SELP: variants seen among roughly 807,000 people sequenced by gnomAD.
SELP encodes the protein selectin P.
A neutral mutation model predicts 104.1 loss-of-function variants in SELP; 92 were observed. The ratio of observed to expected loss-of-function variants is 0.88; its 90% CI spans 0.75 to 1.05. The LOEUF (loss-of-function observed/expected upper bound fraction) is 1.05, where lower values mean the gene tolerates loss of function less well. Among genes scored for constraint, SELP ranks in the 50% least tolerant of loss-of-function variants. The pLI, the probability that SELP is intolerant of heterozygous loss-of-function variation, is 0.00. For missense variants in SELP, 1,022 were observed against 1,017.3 expected, an observed-to-expected ratio of 1.00 and a Z score of -0.06; for synonymous variants, 397 against 364.5, an observed-to-expected ratio of 1.09 and a Z score of -1.01.
rs3917809 is a variant in SELP, at chr1:169,596,356, A to C, written c.1892-222T>G. ...CCTTGAGGAGATGATTCTCCTGGCC[A>C]AGAGAAGAAATCAGAGGAGTCATTG... On this transcript the variant is annotated intron_variant, in intron 11 of 16. Coordinates refer to ENST00000263686, the MANE Select transcript of SELP (RefSeq NM_003005.4). 5.9e-3 allele frequency among the ~76,000 whole-genome samples: 906 copies of C among 152,322 alleles called. 10 individuals carry two copies. The highest frequency in any genetic ancestry group is 0.021 in the African/African-American group (877 of 41,576).
chr1:169,612,527 G>A, intron 5 of SELP, 125 bp from the exon 6 acceptor site: 1 of 804,522 alleles, frequency 1.2e-6, no homozygotes. Flanking sequence ...GCACTAGAAT[G>A]GTTAAATGGT....
chr1:169,608,201 T>C (rs985277863), intron 8 of SELP, among the ~76,000 whole-genome samples: 3 of 151,632 alleles, frequency 2.0e-5, no homozygotes, highest in Non-Finnish European at 4.4e-5. Flanking sequence ...ATACGTAGCA[T>C]GAAATTTAAT....
chr1:169,602,173 A>T (rs1360652945), intron 10 of SELP, among the ~76,000 whole-genome samples: 1 of 152,184 alleles, frequency 6.6e-6, no homozygotes, highest in Non-Finnish European at 1.5e-5. Flanking sequence ...GATATTTGTC[A>T]CACACACCCA....
intron 1 of SELP, among the ~76,000 whole-genome samples, chr1:169,620,885 GTA>G: frequency 6.8e-6 from 1 of 147,956 alleles, no homozygotes; most frequent in African/African-American, 2.5e-5. Flanking sequence ...GTGGAGTTGT[GTA>G]TGTATGCGTG....
chr1:169,597,929 TCTC>T (rs1355845270), intron 10 of SELP, among the ~76,000 whole-genome samples: 3 of 152,276 alleles, frequency 2.0e-5, no homozygotes, highest in South Asian at 2.1e-4. Flanking sequence ...CCTGAACTCT[TCTC>T]CTCTGAATTC....
chr1:169,595,680 G>A (rs3917818), intron 12 of SELP, among the ~76,000 whole-genome samples: 10,222 of 152,244 alleles, frequency 0.067, 449 homozygotes, highest in Middle Eastern at 0.12. Flanking sequence ...TTGGACATCT[G>A]CAAATGTTTC....
At position 169,594,555 on chromosome 1, in the gene SELP, C is replaced by T. The variant is rs1422119828; in HGVS notation, c.2287+137G>A. On this transcript the variant is annotated intron_variant, in intron 13 of 16. Coordinates refer to ENST00000263686, the MANE Select transcript of SELP (RefSeq NM_003005.4). ...TAAGGCAAGGAGATTCTGCCTGATT[C>T]ATTGTGAAACACTTATTAAGCAGGG... 1.3e-5 allele frequency: 10 copies of T among 763,886 alleles called. No homozygotes were observed. In the East Asian group the frequency reaches 1.9e-4, roughly 14 times the overall value. 47.3% of individuals were successfully genotyped at this position (763,886 alleles called of 1,614,324 possible). A position where few individuals can be genotyped will look rare whatever the true frequency, so the allele number is the denominator to read the frequency against.
chr1:169,614,138 C>T (rs1456999414), intron 3 of SELP, among the ~76,000 whole-genome samples: 1 of 152,338 alleles, frequency 6.6e-6, no homozygotes, highest in East Asian at 1.9e-4. Context: ...GGCTCTGCTG[C>T]CTACTTGCTA....
At chr1:169,593,422 G>A (rs1275679967) in intron 14 of SELP, among the ~76,000 whole-genome samples, 183 bp downstream of exon 14, 2 of 152,114 alleles carry the variant, frequency 1.3e-5, no homozygotes, top group Non-Finnish European at 2.9e-5. Context: ...AGTTCCCTAG[G>A]TGATTCTAAT....
chr1:169,595,825 G>T (rs1279153195), intron 12 of SELP, 100 bp downstream of exon 12: 1 of 940,910 alleles, frequency 1.1e-6, no homozygotes, highest in African/African-American at 1.6e-5. Context: ...ACTTGGAGTA[G>T]TGGTTGTGGT....
chr1:169,617,996 C>T (rs1413623126), intron 2 of SELP, among the ~76,000 whole-genome samples: 1 of 152,182 alleles, frequency 6.6e-6, no homozygotes, highest in African/African-American at 2.4e-5. Context: ...CCATGGCTTT[C>T]CCAGGTGGAC....
chr1:169,614,976 T>C (rs3917711), intron 3 of SELP, among the ~76,000 whole-genome samples: 3,250 of 152,276 alleles, frequency 0.021, 72 homozygotes, highest in African/African-American at 0.061. Flanking sequence ...TCCCCAATTA[T>C]AGCTTCCTTG....
At position 169,599,358 on chromosome 1, in the gene SELP, C is replaced by CAAAA. The variant is rs3035293; in HGVS notation, c.1706-2186_1706-2183dup. Among the ~76,000 whole-genome samples, 321 of 143,372 alleles carry CAAAA rather than the reference C, an allele frequency of 2.2e-3. 2 individuals are homozygous for CAAAA. Among genetic ancestry groups the CAAAA allele is most frequent in the African/African-American group, 7.5e-3 (296 of 39,546 alleles). 94.1% of individuals were successfully genotyped at this position (143,372 alleles called of 152,430 possible). ...TCTTGAGCCTACTCTAAAACTTTGG[C>CAAAA]AAAAAAAAAAAAACTCCTGAATAAT... On this transcript the variant is annotated intron_variant, in intron 10 of 16. Coordinates refer to ENST00000263686, the MANE Select transcript of SELP (RefSeq NM_003005.4).
intron 12 of SELP, among the ~76,000 whole-genome samples, chr1:169,595,093 G>C (rs1229438041): frequency 6.6e-6 from 1 of 152,144 alleles, no homozygotes; most frequent in Non-Finnish European, 1.5e-5. Context: ...AAGATGCAAA[G>C]ATGGACACAT....
chr1:169,599,458 G>A (rs985011423), intron 10 of SELP, among the ~76,000 whole-genome samples: 5 of 152,046 alleles, frequency 3.3e-5, no homozygotes, highest in African/African-American at 1.2e-4. Flanking sequence ...TACCAAGGCA[G>A]TTCTATCACA....
rs1456565599 is a variant in SELP, at chr1:169,603,303, C to CTG, written c.1520-93_1520-92insCA. 5 of 694,634 alleles carry CTG rather than the reference C, an allele frequency of 7.2e-6. No homozygotes were observed. In the African/African-American group the frequency reaches 1.3e-4, roughly 17 times the overall value. 43.0% of individuals were successfully genotyped at this position (694,634 alleles called of 1,614,324 possible). A position where few individuals can be genotyped will look rare whatever the true frequency, so the allele number is the denominator to read the frequency against. ...ACTCTCTCTCTCTTTCTCCCTCTCT[C>CTG]TCTCTGTGTGTGTGTGTGTGTGTGT... On this transcript the variant is annotated intron_variant, in intron 9 of 16. Coordinates refer to ENST00000263686, the MANE Select transcript of SELP (RefSeq NM_003005.4).
intron 3 of SELP, among the ~76,000 whole-genome samples, chr1:169,616,153 A>G (rs1662795967): frequency 6.6e-6 from 1 of 152,188 alleles, no homozygotes; most frequent in African/African-American, 2.4e-5. Context: ...ATACACTCGA[A>G]GTATTTCACC....
chr1:169,615,176 CAT>C (rs1213686483), intron 3 of SELP, among the ~76,000 whole-genome samples: 6 of 152,310 alleles, frequency 3.9e-5, no homozygotes, highest in South Asian at 2.1e-4. Flanking sequence ...TAATTCCTGA[CAT>C]GTGGAGAATT....
intron 10 of SELP, among the ~76,000 whole-genome samples, chr1:169,599,987 G>A (rs1293996859): frequency 6.6e-6 from 1 of 152,168 alleles, no homozygotes; most frequent in African/African-American, 2.4e-5. Context: ...TCAGCAGTCT[G>A]TATCATGAAA....
Sources: gnomAD v4.1 joint callset for allele counts (sites outside exome capture counted in the v4.1 genomes callset) on GRCh38, gnomAD v4.1.1 for gene constraint, MANE v1.5 for transcripts, NCBI Gene and HGNC (gene_info 2026-07-23, HGNC 2026-07-21) for gene names.